The following PPME1 variants were observed in gnomAD, a reference collection of about 807,000 sequenced individuals.
The protein encoded by PPME1 is protein phosphatase methylesterase 1.
PPME1 carries 17 observed loss-of-function variants against 56.9 expected under a neutral mutation model. That is an observed-to-expected ratio of 0.30 (90% CI 0.20 to 0.45). PPME1 has a LOEUF of 0.45. Among genes scored for constraint, PPME1 ranks in the 20% least tolerant of loss-of-function variants. The pLI, the probability that PPME1 is intolerant of heterozygous loss-of-function variation, is 1.00. For missense variants in PPME1, 357 were observed against 483.2 expected, an observed-to-expected ratio of 0.74 and a Z score of 2.45; for synonymous variants, 122 against 156.2, an observed-to-expected ratio of 0.78 and a Z score of 1.63.
In PPME1 at chr11:74,239,958, A is replaced by ATTT. The variant is rs760748505; in HGVS notation, c.834+719_834+721dup. Among the ~76,000 whole-genome samples the ATTT allele has an allele frequency of 7.0e-4, 63 of 89,928 alleles. 1 individual carries two copies. The highest frequency in any genetic ancestry group is 1.7e-3 in the African/African-American group (41 of 23,684). 59.0% of individuals were successfully genotyped at this position (89,928 alleles called of 152,430 possible). On this transcript the variant is annotated intron_variant, in intron 9 of 13. Coordinates refer to ENST00000328257, the MANE Select transcript of PPME1 (RefSeq NM_016147.3). ...GAGGAAGCTCTTTAATTTTCTTTCC[A>ATTT]TTTTTTTTTTTTTTTTTTTCGTTTG...
chr11:74,221,533 T>C (rs940038232), intron 3 of PPME1, among the ~76,000 whole-genome samples: 1 of 152,176 alleles, frequency 6.6e-6, no homozygotes, highest in African/African-American at 2.4e-5. Context: ...TCCTAATTTG[T>C]TATGTGACCC....
At chr11:74,181,774 T>G (rs1857546187) in intron 1 of PPME1, among the ~76,000 whole-genome samples, 1 of 152,228 alleles carries the variant, frequency 6.6e-6, no homozygotes, top group East Asian at 1.9e-4. Context: ...TCAGCAAACA[T>G]TTTCTGTTAA....
At chr11:74,249,802 G>A (rs1240314638) in intron 11 of PPME1, 1 of 152,208 alleles carries the variant, frequency 6.6e-6, no homozygotes, top group East Asian at 1.9e-4. Context: ...GCTGCTCTGT[G>A]TTTGGATCCA....
At chr11:74,250,466 T>G (rs1411967939) in intron 11 of PPME1, 1 of 154,768 alleles carries the variant, frequency 6.5e-6, no homozygotes, top group Non-Finnish European at 1.4e-5. Context: ...TGCTTACCTC[T>G]CCAGCCTTAT....
chr11:74,231,410 C>G (rs1859064712), intron 7 of PPME1, among the ~76,000 whole-genome samples: 1 of 152,212 alleles, frequency 6.6e-6, no homozygotes, highest in South Asian at 2.1e-4. Context: ...CCACTGTTGC[C>G]TTTATTCTAA....
intron 1 of PPME1, among the ~76,000 whole-genome samples, chr11:74,193,485 CAAT>C (rs750462078): frequency 3.3e-5 from 5 of 152,160 alleles, no homozygotes; most frequent in Non-Finnish European, 4.4e-5. Flanking sequence ...AAAAAGGAAA[CAAT>C]AAACTGAAAT....
intron 4 of PPME1, among the ~76,000 whole-genome samples, chr11:74,224,723 A>C (rs1340376436): frequency 1.3e-5 from 2 of 149,660 alleles, no homozygotes; most frequent in Non-Finnish European, 3.0e-5. Context: ...ATGGGAGTTC[A>C]CTCATGATTT....
chr11:74,171,784 G>T (rs1857242473), intron 1 of PPME1, among the ~76,000 whole-genome samples: 1 of 152,118 alleles, frequency 6.6e-6, no homozygotes, highest in Non-Finnish European at 1.5e-5. Context: ...TAACATAAGG[G>T]ATCTGAGAAT....
intron 5 of PPME1, among the ~76,000 whole-genome samples, chr11:74,225,581 C>T (rs776652590): frequency 2.0e-5 from 3 of 152,158 alleles, no homozygotes; most frequent in African/African-American, 4.8e-5. Context: ...ATCATGGACT[C>T]ACGCTTGGAA....
chr11:74,207,301 C>T (rs967767044), intron 3 of PPME1, among the ~76,000 whole-genome samples: 1 of 152,206 alleles, frequency 6.6e-6, no homozygotes, highest in African/African-American at 2.4e-5. Flanking sequence ...AGTAGAACTC[C>T]TTTTCCATCT....
At chr11:74,191,216 A>C (rs1192597375) in intron 1 of PPME1, among the ~76,000 whole-genome samples, 1 of 152,222 alleles carries the variant, frequency 6.6e-6, no homozygotes, top group African/African-American at 2.4e-5. Flanking sequence ...GGTATATGCC[A>C]GTAGTCCCAG....
At chr11:74,227,059 A>G (rs1030026728) in intron 5 of PPME1, among the ~76,000 whole-genome samples, 2 of 152,078 alleles carry the variant, frequency 1.3e-5, no homozygotes, top group East Asian at 1.9e-4. Flanking sequence ...AGGGAAAGCT[A>G]TTCGTGGGGA....
chr11:74,199,713 G>A (rs1858097213), intron 1 of PPME1, among the ~76,000 whole-genome samples: 2 of 152,174 alleles, frequency 1.3e-5, no homozygotes. Flanking sequence ...CCAAGACTGG[G>A]TAATTTATAA....
At chr11:74,237,349 C>T (rs953676162) in intron 8 of PPME1, among the ~76,000 whole-genome samples, 1 of 148,304 alleles carries the variant, frequency 6.7e-6, no homozygotes, top group Non-Finnish European at 1.5e-5. Flanking sequence ...GATCTCAGCT[C>T]ACTGCAACCT....
intron 1 of PPME1, among the ~76,000 whole-genome samples, chr11:74,179,018 A>G (rs571121083): frequency 1.3e-5 from 2 of 152,212 alleles, no homozygotes; most frequent in African/African-American, 4.8e-5. Flanking sequence ...TTACAGGTAT[A>G]TTCTACCAAT....
chr11:74,209,096 G>C (rs1033071730), intron 3 of PPME1, among the ~76,000 whole-genome samples: 1 of 151,798 alleles, frequency 6.6e-6, no homozygotes, highest in Non-Finnish European at 1.5e-5. Context: ...AGTAGAGGGG[G>C]CTATTTTTGT....
chr11:74,171,827 A>G (rs1207019319), intron 1 of PPME1, among the ~76,000 whole-genome samples: 2 of 152,130 alleles, frequency 1.3e-5, no homozygotes, highest in Admixed American at 1.3e-4. Context: ...TAGAAAAGGG[A>G]GTAGAACGGT....
At chr11:74,171,826 G>T (rs1857245376) in intron 1 of PPME1, among the ~76,000 whole-genome samples, 1 of 152,180 alleles carries the variant, frequency 6.6e-6, no homozygotes, top group Non-Finnish European at 1.5e-5. Flanking sequence ...TTAGAAAAGG[G>T]AGTAGAACGG....
rs1006768335 is a variant in PPME1 at position 74,246,233 on chromosome 11, A to T, written c.964+28A>T. On this transcript the variant is annotated intron_variant, in intron 10 of 13. Transcript: ENST00000328257. The stretch of plus-strand genomic sequence containing the variant: ...AAGTGTATATGTGCATATATTAGTC[A>T]GCTCAGGCTGCCATAACCAAATATC... 2.0e-6 allele frequency: 3 copies of T among 1,524,028 alleles called. No homozygotes were observed. The Admixed American group carries it at 6.4e-5, about 33-fold the overall frequency. 94.4% of individuals were successfully genotyped at this position (1,524,028 alleles called of 1,614,324 possible).
Sources: gnomAD v4.1 joint callset for allele counts (sites outside exome capture counted in the v4.1 genomes callset) on GRCh38, gnomAD v4.1.1 for gene constraint, MANE v1.5 for transcripts, NCBI Gene and HGNC (gene_info 2026-07-23, HGNC 2026-07-21) for gene names.